DAPK1: variants seen among roughly 807,000 people sequenced by gnomAD.
The protein encoded by DAPK1 is death-associated protein kinase 1.
In DAPK1, 56 loss-of-function variants were observed where a neutral mutation model predicts 144.9. The ratio of observed to expected loss-of-function variants is 0.39; its 90% CI spans 0.31 to 0.48. DAPK1 has a LOEUF of 0.48. Among genes scored for constraint, DAPK1 ranks in the 20% least tolerant of loss-of-function variants. DAPK1 has a pLI of 0.95. For missense variants in DAPK1, 1,454 were observed against 1,875.4 expected (o/e 0.78, Z 4.15); for synonymous variants, 690 against 749.0 (o/e 0.92, Z 1.29).
chr9:87,603,578 A>G (rs1828603374), intron 2 of DAPK1, among the ~76,000 whole-genome samples: 1 of 152,210 alleles, frequency 6.6e-6, no homozygotes, highest in Admixed American at 6.5e-5. Flanking sequence ...ACATCAAAAT[A>G]TTATCCTTAA....
At chr9:87,634,250 T>C (rs1156332767) in intron 3 of DAPK1, among the ~76,000 whole-genome samples, 1 of 152,216 alleles carries the variant, frequency 6.6e-6, no homozygotes, top group African/African-American at 2.4e-5. Context: ...TGATGGAAGT[T>C]TGGCAGGCCC....
At chr9:87,656,311 A>G (rs750496736) in intron 17 of DAPK1, among the ~76,000 whole-genome samples, 24 of 152,034 alleles carry the variant, frequency 1.6e-4, no homozygotes, top group Non-Finnish European at 2.8e-4. Flanking sequence ...GCAGACCTGG[A>G]ATTTAAGGCT....
At chr9:87,677,854 T>C (rs1587837262) in intron 19 of DAPK1, among the ~76,000 whole-genome samples, 1 of 151,932 alleles carries the variant, frequency 6.6e-6, no homozygotes, top group South Asian at 2.1e-4. Context: ...GGCTGGGAGG[T>C]GGAATTGCTC....
At chr9:87,565,213 A>G (rs983067196) in intron 2 of DAPK1, among the ~76,000 whole-genome samples, 7 of 152,276 alleles carry the variant, frequency 4.6e-5, no homozygotes, top group South Asian at 2.1e-4. Context: ...GAGGGCAAAC[A>G]GTTGAGAGCA....
At chr9:87,606,577 C>T (rs1317719426) in intron 3 of DAPK1, among the ~76,000 whole-genome samples, 5 of 102,574 alleles carry the variant, frequency 4.9e-5, no homozygotes, top group Non-Finnish European at 7.9e-5. Flanking sequence ...TCCGTCTCCC[C>T]TTCCTTCCTT....
At chr9:87,627,507 C>T (rs1224345144) in intron 3 of DAPK1, among the ~76,000 whole-genome samples, 2 of 152,076 alleles carry the variant, frequency 1.3e-5, no homozygotes, top group Non-Finnish European at 2.9e-5. Flanking sequence ...CTCCCTCTCC[C>T]CTTGCCCCCG....
chr9:87,590,781 G>T (rs1010986847), intron 2 of DAPK1, among the ~76,000 whole-genome samples: 21 of 152,058 alleles, frequency 1.4e-4, no homozygotes, highest in Admixed American at 1.2e-3. Flanking sequence ...TAGAGATGGG[G>T]TCTCACTATG....
In DAPK1 at chr9:87,696,928, C is replaced by T. The variant is rs545374224; in HGVS notation, c.2414-79C>T. On this transcript the variant is annotated intron_variant, in intron 21 of 25. Coordinates refer to ENST00000408954, the MANE Select transcript of DAPK1 (RefSeq NM_004938.4). ...AGTATCACTATGCCTACTTCGAATCCGTGGAACGCTAAGAGAATTTATGAT... is the reference window on the plus strand; with the variant it reads ...AGTATCACTATGCCTACTTCGAATCTGTGGAACGCTAAGAGAATTTATGAT... 17 of 804,556 alleles carry T rather than the reference C, an allele frequency of 2.1e-5. 1 individual carries two copies. The highest frequency in any genetic ancestry group is 5.4e-5 in the South Asian group (4 of 73,890). The allele number at this position is 804,556 out of a possible 1,614,324, so 49.8% of individuals were successfully genotyped here. A position where few individuals can be genotyped will look rare whatever the true frequency, so the allele number is the denominator to read the frequency against.
chr9:87,654,480 G>T (rs1271822220), intron 17 of DAPK1, among the ~76,000 whole-genome samples: 1 of 152,180 alleles, frequency 6.6e-6, no homozygotes, highest in Non-Finnish European at 1.5e-5. Flanking sequence ...ATTAACTCAA[G>T]CAGAAATTGA....
chr9:87,700,315 A>T, intron 24 of DAPK1, 78 bp downstream of exon 24: 1 of 1,103,948 alleles, frequency 9.1e-7, no homozygotes, highest in Non-Finnish European at 1.4e-6. Context: ...GAACTGCTTC[A>T]TAGTAGGACC....
At chr9:87,516,466 T>G (rs79739525) in intron 2 of DAPK1, among the ~76,000 whole-genome samples, 2,104 of 152,228 alleles carry the variant, frequency 0.014, 24 homozygotes, top group Non-Finnish European at 0.018. Flanking sequence ...CTATCTGACC[T>G]TGCTTCCCCC....
rs114742812 is a variant in DAPK1, at chr9:87,644,915, C to T, written c.1012-980C>T. The stretch of plus-strand genomic sequence containing the variant: ...CTCTTGACTTGCACTTTCATGTAAA[C>T]GCCTCTTAGTCATTGACTTCAATTG... On this transcript the variant is annotated intron_variant, in intron 11 of 25. Transcript: ENST00000408954. 4.2e-3 allele frequency among the ~76,000 whole-genome samples: 634 copies of T among 152,264 alleles called. 3 individuals are homozygous for T. The highest frequency in any genetic ancestry group is 0.014 in the African/African-American group (582 of 41,532).
intron 2 of DAPK1, among the ~76,000 whole-genome samples, chr9:87,580,544 GAA>G (rs1827717104): frequency 1.3e-5 from 2 of 152,146 alleles, no homozygotes; most frequent in Non-Finnish European, 2.9e-5. Flanking sequence ...ACACAGTAAT[GAA>G]TTCTATCCTT....
chr9:87,502,520 C>T (rs915060448), intron 2 of DAPK1, among the ~76,000 whole-genome samples: 4 of 152,198 alleles, frequency 2.6e-5, no homozygotes, highest in Admixed American at 1.3e-4. Flanking sequence ...GCCCCATTGT[C>T]GGGCTCTAGT....
intron 8 of DAPK1, 144 bp from the exon 9 acceptor site, chr9:87,640,658 A>G: frequency 9.6e-7 from 1 of 1,044,676 alleles, no homozygotes; most frequent in South Asian, 1.4e-5. Context: ...AAATAATCAC[A>G]AAAAGACCGA....
chr9:87,505,809 C>T (rs530469054), intron 2 of DAPK1, among the ~76,000 whole-genome samples: 50 of 152,338 alleles, frequency 3.3e-4, no homozygotes, highest in African/African-American at 1.1e-3. Flanking sequence ...CTGTCTCAGC[C>T]TCCAAATAGC....
chr9:87,553,394 T>G (rs1826569432), intron 2 of DAPK1: 2 of 152,348 alleles, frequency 1.3e-5, no homozygotes, highest in Middle Eastern at 6.8e-3. Flanking sequence ...CTCCGCTCCT[T>G]AAGGACATGG....
At chr9:87,536,218 G>T (rs139056124) in intron 2 of DAPK1, among the ~76,000 whole-genome samples, 1 of 152,324 alleles carries the variant, frequency 6.6e-6, no homozygotes, top group African/African-American at 2.4e-5. Flanking sequence ...AGAGGTACTA[G>T]TGTGAGATGT....
intron 13 of DAPK1, among the ~76,000 whole-genome samples, chr9:87,646,916 C>T (rs1385198771): frequency 2.0e-5 from 3 of 152,334 alleles, no homozygotes; most frequent in Non-Finnish European, 4.4e-5. Context: ...CTGCAGACGT[C>T]AGCAGAGCTG....
Sources: gnomAD v4.1 joint callset for allele counts (sites outside exome capture counted in the v4.1 genomes callset) on GRCh38, gnomAD v4.1.1 for gene constraint, MANE v1.5 for transcripts, NCBI Gene and HGNC (gene_info 2026-07-23, HGNC 2026-07-21) for gene names.